The following TTC28 variants were observed in gnomAD, a reference collection of about 807,000 sequenced individuals.
TTC28 encodes tetratricopeptide repeat protein 28.
Under a neutral mutation model 198.0 loss-of-function variants are expected in TTC28, and 61 were observed. The observed-to-expected ratio is 0.31, with a 90% CI of 0.25 to 0.38. The LOEUF (loss-of-function observed/expected upper bound fraction) is 0.38, where lower values mean the gene tolerates loss of function less well. Ranked by LOEUF, TTC28 falls within the 10% of genes least tolerant of loss-of-function variation. The probability of loss-of-function intolerance (pLI) is 1.00; values close to 1 mark genes in which losing one functional copy is unlikely to be tolerated. For missense variants in TTC28, 2,678 were observed against 3,164.0 expected (o/e 0.85, Z 3.69); for synonymous variants, 1,171 against 1,297.8 (o/e 0.90, Z 2.10).
chr22:28,591,008 A>AACACAC (rs55694132), intron 2 of TTC28, among the ~76,000 whole-genome samples: 20 of 55,114 alleles, frequency 3.6e-4, no homozygotes, highest in South Asian at 1.0e-3. Context: ...CTCTGCCTCA[A>AACACAC]ACACACACAC....
In TTC28 at chr22:28,297,865, A is replaced by G. The variant is rs1173601219; in HGVS notation, c.530-13T>C. Reference sequence around the variant, plus strand: ...GGCTCGAGGGAGTCTGAAAATAAACAACAATAACAGCAACATAACAGGAGA... The same window carrying G: ...GGCTCGAGGGAGTCTGAAAATAAACGACAATAACAGCAACATAACAGGAGA... On this transcript the variant is annotated splice_polypyrimidine_tract_variant and intron_variant, in intron 3 of 22. Transcript: ENST00000397906. The G allele has an allele frequency of 2.6e-6, 4 of 1,550,036 alleles. No homozygotes were observed. Among genetic ancestry groups the G allele is most frequent in the African/African-American group, 1.4e-5 (1 of 73,078 alleles).
intron 2 of TTC28, among the ~76,000 whole-genome samples, chr22:28,313,648 A>G (rs1448345224): frequency 6.6e-6 from 1 of 152,164 alleles, no homozygotes; most frequent in African/African-American, 2.4e-5. Flanking sequence ...AAAGGCCTTC[A>G]ACAAAATTCA....
At chr22:28,430,578 G>C (rs111570999) in intron 2 of TTC28, among the ~76,000 whole-genome samples, 3 of 152,274 alleles carry the variant, frequency 2.0e-5, no homozygotes, top group African/African-American at 4.8e-5. Flanking sequence ...GTGGGCTTAT[G>C]CATGAAACAA....
rs1426421290 is a variant in TTC28 at position 28,101,155 on chromosome 22, C to G, written c.3417+16G>C. ...CTGGAAACAAAAAATCCACTTCAGT[C>G]AGGGGTTCTGCTTACCTGGTGTTGG... On this transcript the variant is annotated intron_variant, in intron 9 of 22. Coordinates refer to ENST00000397906, the MANE Select transcript of TTC28 (RefSeq NM_001145418.2). 6.5e-7 allele frequency: 1 copy of G among 1,536,160 alleles called. No individual in the cohort carries two copies. Among genetic ancestry groups the G allele is most frequent in the Non-Finnish European group, 8.8e-7 (1 of 1,135,758 alleles).
At chr22:28,118,720 C>T (rs760679022) in intron 6 of TTC28, among the ~76,000 whole-genome samples, 1 of 152,056 alleles carries the variant, frequency 6.6e-6, no homozygotes, top group African/African-American at 2.4e-5. Context: ...CAGAATGTAT[C>T]CCTATTGTTA....
chr22:28,561,270 G>T lies in TTC28; in HGVS notation c.381+68282C>A, dbSNP rs183381352. ...TTTTTGTATTTTTAGTAGAGACGGG[G>T]TTTCACCGTGTTGGCCAGGATGGTC... On this transcript the variant is annotated intron_variant, in intron 2 of 22. Coordinates refer to ENST00000397906, the MANE Select transcript of TTC28 (RefSeq NM_001145418.2). Among the ~76,000 whole-genome samples the T allele has an allele frequency of 4.0e-3, 597 of 149,896 alleles. 1 individual carries two copies. Among genetic ancestry groups the T allele is most frequent in the Non-Finnish European group, 6.4e-3 (434 of 67,564 alleles).
rs1037040665 is a variant in TTC28 at position 28,082,446 on chromosome 22, T to A, written c.3932+11634A>T. Among the ~76,000 whole-genome samples the A allele has an allele frequency of 2.6e-5, 4 of 152,328 alleles. 1 individual carries two copies. The South Asian group carries it at 8.3e-4, about 32-fold the overall frequency. ...TTCCTTTTACTAGCTTGCAGTGTGG[T>A]TTTTATCATGAAAGGGTGTTAAATT... On this transcript the variant is annotated intron_variant, in intron 12 of 22. Transcript: ENST00000397906.
chr22:28,139,516 A>G (rs1188701225), intron 6 of TTC28, among the ~76,000 whole-genome samples: 2 of 152,164 alleles, frequency 1.3e-5, no homozygotes, highest in Admixed American at 6.5e-5. Flanking sequence ...AAAAATATCA[A>G]ACTGTCAAAA....
intron 5 of TTC28, among the ~76,000 whole-genome samples, chr22:28,233,683 A>C (rs920593637): frequency 1.3e-5 from 2 of 152,210 alleles, no homozygotes. Flanking sequence ...TGCATACTAC[A>C]GTCTAATAGA....
chr22:28,457,815 T>C (rs1201174080), intron 2 of TTC28, among the ~76,000 whole-genome samples: 2 of 152,180 alleles, frequency 1.3e-5, no homozygotes, highest in African/African-American at 4.8e-5. Context: ...AAATTAATCA[T>C]GTCAACTTCC....
intron 2 of TTC28, among the ~76,000 whole-genome samples, chr22:28,309,039 G>C (rs942145392): frequency 2.0e-5 from 3 of 152,142 alleles, no homozygotes; most frequent in Non-Finnish European, 2.9e-5. Flanking sequence ...TTTTGTGAGA[G>C]AGATGTCACT....
At chr22:28,509,697 G>A (rs2048662098) in intron 2 of TTC28, among the ~76,000 whole-genome samples, 2 of 151,672 alleles carry the variant, frequency 1.3e-5, no homozygotes, top group Middle Eastern at 3.2e-3. Context: ...TGGAACTAAA[G>A]GAGATGGAGA....
intron 1 of TTC28, among the ~76,000 whole-genome samples, chr22:28,679,069 CT>C (rs780681080): frequency 3.3e-5 from 5 of 152,244 alleles, no homozygotes; most frequent in Admixed American, 2.6e-4. Flanking sequence ...ATCCTTCCCC[CT>C]GACTAGTGGC....
chr22:28,298,313 T>C (rs1261572652), intron 3 of TTC28, among the ~76,000 whole-genome samples: 1 of 152,234 alleles, frequency 6.6e-6, no homozygotes, highest in Non-Finnish European at 1.5e-5. Flanking sequence ...TCTACACGTA[T>C]TAATTTTTTA....
intron 2 of TTC28, among the ~76,000 whole-genome samples, chr22:28,497,001 T>C (rs543994271): frequency 6.6e-6 from 1 of 152,158 alleles, no homozygotes; most frequent in Non-Finnish European, 1.5e-5. Flanking sequence ...CTCTCTTTCA[T>C]AGCCTTCAAG....
chr22:28,085,579 G>A (rs139659498), intron 12 of TTC28, among the ~76,000 whole-genome samples: 1,605 of 152,190 alleles, frequency 0.011, 35 homozygotes, highest in African/African-American at 0.036. Flanking sequence ...AAAGACCATC[G>A]AGGCTAGGAA....
At chr22:28,640,319 G>T (rs1029512018) in intron 1 of TTC28, among the ~76,000 whole-genome samples, 1 of 144,110 alleles carries the variant, frequency 6.9e-6, no homozygotes, top group African/African-American at 2.5e-5. Context: ...TAAAGGGGGG[G>T]GGGGGAAAGA....
chr22:28,197,389 C>T (rs528247475), intron 5 of TTC28, among the ~76,000 whole-genome samples: 7 of 151,738 alleles, frequency 4.6e-5, no homozygotes, highest in South Asian at 2.1e-4. Context: ...AACTAACCTG[C>T]GTGTTGTGCA....
At chr22:28,085,003 G>A (rs1426220076) in intron 12 of TTC28, among the ~76,000 whole-genome samples, 1 of 151,970 alleles carries the variant, frequency 6.6e-6, no homozygotes, top group Non-Finnish European at 1.5e-5. Context: ...AAGAAATATG[G>A]GACTATGTGA....
Sources: allele counts gnomAD v4.1 joint callset (sites outside exome capture counted in the v4.1 genomes callset), GRCh38; gene constraint gnomAD v4.1.1; transcripts MANE v1.5; gene names NCBI Gene and HGNC (gene_info 2026-07-23, HGNC 2026-07-21).